ZPR1: variants seen among roughly 807,000 people sequenced by gnomAD.
ZPR1 encodes the protein zinc finger protein ZPR1.
In ZPR1, 37 loss-of-function variants were observed where a neutral mutation model predicts 59.6. The observed-to-expected ratio is 0.62, with a 90% CI of 0.48 to 0.82. The LOEUF (loss-of-function observed/expected upper bound fraction) is 0.82, where lower values mean the gene tolerates loss of function less well. ZPR1 is among the 40% of genes least tolerant of loss of function. The probability of loss-of-function intolerance (pLI) is 0.00; values close to 1 mark genes in which losing one functional copy is unlikely to be tolerated. For missense variants in ZPR1, 527 were observed against 579.9 expected, an observed-to-expected ratio of 0.91 and a Z score of 0.94; for synonymous variants, 191 against 215.2, an observed-to-expected ratio of 0.89 and a Z score of 0.99.
chr11:116,786,830 T>C, intron 3 of ZPR1, 139 bp downstream of exon 3: 1 of 776,912 alleles, frequency 1.3e-6, no homozygotes, highest in Non-Finnish European at 2.2e-6. Context: ...CCACTCATGA[T>C]TAACTAATGA....
chr11:116,781,448 C>T (rs1262389925), intron 12 of ZPR1, among the ~76,000 whole-genome samples: 1 of 152,172 alleles, frequency 6.6e-6, no homozygotes, highest in Non-Finnish European at 1.5e-5. Context: ...TCAGACTTCT[C>T]AATAGCCAAA....
chr11:116,782,021 A>C (rs887535721), intron 12 of ZPR1, 137 bp downstream of exon 12: 1 of 676,492 alleles, frequency 1.5e-6, no homozygotes, highest in Non-Finnish European at 2.4e-6. Context: ...CCAAAAAAAA[A>C]AAAAAGAAAA....
At position 116,782,218 on chromosome 11, in the gene ZPR1, G is replaced by A. The variant is rs776756445; in HGVS notation, c.1119C>T (p.Gly373=). 1.3e-5 allele frequency: 21 copies of A among 1,613,994 alleles called. No homozygotes were observed. The highest frequency in any genetic ancestry group is 5.0e-5 in the Admixed American group (3 of 60,004). ...CCGTCTGTCCAGGATTGGAACTGTC[G>A]CCCAGTGTGAAAGGATTTTTGGTCA... The part of the protein sequence containing the change: ...ELVTKNPFTL[G]DSSNPGQTER... Residue 373 remains glycine, a synonymous_variant, in exon 12 of 14, where the codon GGC becomes GGT. Transcript: ENST00000227322.
At chr11:116,785,722 C>G (rs564293784) in intron 5 of ZPR1, 74 bp downstream of exon 5, 8 of 1,612,262 alleles carry the variant, frequency 5.0e-6, no homozygotes, top group South Asian at 1.1e-5. Flanking sequence ...GCAGGCATCA[C>G]AGTGGAAAAT....
At chr11:116,782,358 A>C in intron 11 of ZPR1, 114 bp from the exon 12 acceptor site, 1 of 838,160 alleles carries the variant, frequency 1.2e-6, no homozygotes, top group Non-Finnish European at 1.9e-6. Flanking sequence ...CTTGGTTTCC[A>C]TTTAGCCCAC....
chr11:116,787,336 C>T lies in ZPR1; in HGVS notation c.333+146G>A. 1.4e-5 allele frequency: 12 copies of T among 843,552 alleles called. No individual in the cohort carries two copies. In the South Asian group the frequency reaches 2.0e-4, roughly 14 times the overall value. 52.3% of individuals were successfully genotyped at this position (843,552 alleles called of 1,614,324 possible). A position where few individuals can be genotyped will look rare whatever the true frequency, so the allele number is the denominator to read the frequency against. The stretch of plus-strand genomic sequence containing the variant: ...AATCTTATCTCACTTGAGCTGATGA[C>T]AACACCAGTACCATTTTACAAAAGA... On this transcript the variant is annotated intron_variant, in intron 2 of 13. Coordinates refer to ENST00000227322, the MANE Select transcript of ZPR1 (RefSeq NM_003904.5).
Position 116,783,632 on chromosome 11 carries a change from C to T in ZPR1, c.892-13G>A, listed in dbSNP as rs1940842378. 3 of 1,611,040 alleles carry T rather than the reference C, an allele frequency of 1.9e-6. No individual in the cohort carries two copies. The highest frequency in any genetic ancestry group is 2.5e-6 in the Non-Finnish European group (3 of 1,177,336). ...CTCCAGATTTCACCTGCATCGATAA[C>T]AGTCAGGAGCAACAGAGAGAAGACC... On this transcript the variant is annotated splice_polypyrimidine_tract_variant and intron_variant, in intron 9 of 13. Coordinates refer to ENST00000227322, the MANE Select transcript of ZPR1 (RefSeq NM_003904.5).
rs370340134 is a variant in ZPR1 at position 116,783,647 on chromosome 11, G to C, written c.892-28C>G. 6 of 1,593,964 alleles carry C rather than the reference G, an allele frequency of 3.8e-6. No homozygotes were observed. The Admixed American group carries it at 1.0e-4, about 27-fold the overall frequency. The stretch of plus-strand genomic sequence containing the variant: ...GCATCGATAACAGTCAGGAGCAACA[G>C]AGAGAAGACCTGAGCCTCACTTGGT... On this transcript the variant is annotated intron_variant, in intron 9 of 13. Transcript: ENST00000227322.
rs771184339 is a variant in ZPR1 at position 116,783,026 on chromosome 11, C to T, written c.985G>A (p.Glu329Lys). 1 of 1,613,630 alleles carries T rather than the reference C, an allele frequency of 6.2e-7. No individual in the cohort carries two copies. Among genetic ancestry groups the T allele is most frequent in the Non-Finnish European group, 8.5e-7 (1 of 1,179,518 alleles). Residue 329 changes from glutamate (E) to lysine (K), a missense_variant, in exon 11 of 14, where the codon GAG (glutamate) becomes AAG (lysine). Glu to Lys is a moderately conservative substitution (Grantham distance 56). Coordinates refer to ENST00000227322, the MANE Select transcript of ZPR1 (RefSeq NM_003904.5). ...SDMTRDLLKS[E>K]TCSVEIPELE... ...TCTGGGATTTCCACACTGCAAGTCT[C>T]AGACTGTGAAATGAGAGGTCAGTTT...
chr11:116,782,267 C>A (rs764001033), intron 11 of ZPR1, 23 bp from the exon 12 acceptor site: 1 of 1,596,872 alleles, frequency 6.3e-7, no homozygotes, highest in East Asian at 2.2e-5. Flanking sequence ...ATAATCCAAA[C>A]TATGTGAATA....
chr11:116,779,030 C>G lies in ZPR1; in HGVS notation c.1275G>C (p.Glu425Asp), dbSNP rs750874473. The change falls in exon 14 of 14, where the codon GAG becomes GAC. Residue 425 changes from glutamate to aspartate, a missense_variant. Transcript: ENST00000227322. ...QNVYAPEDDP[E>D]MKVERYKRTF... ...TGCGCTTGTAACGCTCCACCTTCAT[C>G]TCAGGATCATCTTCAGGCGCATACA... 1.2e-6 allele frequency: 2 copies of G among 1,614,112 alleles called. No homozygotes were observed. Among genetic ancestry groups the G allele is most frequent in the Non-Finnish European group, 1.7e-6 (2 of 1,180,060 alleles).
At chr11:116,785,772 C>T (rs1331854432) in intron 5 of ZPR1, 24 bp downstream of exon 5, 1 of 1,613,348 alleles carries the variant, frequency 6.2e-7, no homozygotes, top group Non-Finnish European at 8.5e-7. Flanking sequence ...TAATCAAGGG[C>T]AACTCCAGCC....
chr11:116,784,793 C>T, intron 8 of ZPR1, 62 bp downstream of exon 8: 1 of 1,544,358 alleles, frequency 6.5e-7, no homozygotes, highest in Non-Finnish European at 9.0e-7. Context: ...TGCTCCCAGC[C>T]TGATTATAAT....
rs1197933279 is a variant in ZPR1, at chr11:116,787,907, AGGGGCAGGCGGCGGGGCC to A, written c.66_83del (p.Ala23_Pro28del). Reference sequence around the variant, plus strand: ...CGCTGATGGGCCGGAACAGGTGATCAGGGGCAGGCGGCGGGGCCGGGGCGGGCGACGGGGCGACGGCAG... The same window carrying A: ...CGCTGATGGGCCGGAACAGGTGATCAGGGGCGGGCGACGGGGCGACGGCAG... On this transcript the variant is annotated inframe_deletion, in exon 1 of 14. Transcript: ENST00000227322. 6.6e-7 allele frequency: 1 copy of A among 1,523,512 alleles called. No homozygotes were observed. The allele number at this position is 1,523,512 out of a possible 1,614,324, so 94.4% of individuals were successfully genotyped here. A position where few individuals can be genotyped will look rare whatever the true frequency, so the allele number is the denominator to read the frequency against.
rs750548868 is a variant in ZPR1 at position 116,787,401 on chromosome 11, C to T, written c.333+81G>A. On this transcript the variant is annotated intron_variant, in intron 2 of 13. Coordinates refer to ENST00000227322, the MANE Select transcript of ZPR1 (RefSeq NM_003904.5). The stretch of plus-strand genomic sequence containing the variant: ...GACATAGGGGGATTTATTTAAGATC[C>T]GACCGCCTGGACCAGAGCTCTGACC... The T allele has an allele frequency of 1.1e-4, 154 of 1,460,332 alleles. 1 individual carries two copies. The highest frequency in any genetic ancestry group is 1.3e-4 in the Non-Finnish European group (140 of 1,073,220). The allele number at this position is 1,460,332 out of a possible 1,614,324, so 90.5% of individuals were successfully genotyped here.
In ZPR1 at chr11:116,776,081, C is replaced by T. The variant is rs1304582649; in HGVS notation, c.*2844G>A. On this transcript the variant is annotated 3_prime_UTR_variant, in exon 14 of 14. Coordinates refer to ENST00000227322, the MANE Select transcript of ZPR1 (RefSeq NM_003904.5). ...CTGCCCTTCATACTTGCTCCCAACA[C>T]TCACCTCCCCTCCTCCACTCATCAT... 1 of 152,272 alleles carries T rather than the reference C, an allele frequency of 6.6e-6. No individual in the cohort carries two copies. The highest frequency in any genetic ancestry group is 6.5e-5 in the Admixed American group (1 of 15,288). 9.4% of individuals were successfully genotyped at this position (152,272 alleles called of 1,614,324 possible). A position where few individuals can be genotyped will look rare whatever the true frequency, so the allele number is the denominator to read the frequency against.
Position 116,775,082 on chromosome 11 carries a change from A to G in ZPR1, c.*3843T>C, listed in dbSNP as rs1940704081. The G allele has an allele frequency of 6.6e-6, 1 of 152,270 alleles. No homozygotes were observed. Among genetic ancestry groups the G allele is most frequent in the South Asian group, 2.1e-4 (1 of 4,830 alleles). 9.4% of individuals were successfully genotyped at this position (152,270 alleles called of 1,614,324 possible). A position where few individuals can be genotyped will look rare whatever the true frequency, so the allele number is the denominator to read the frequency against. On this transcript the variant is annotated 3_prime_UTR_variant, in exon 14 of 14. Coordinates refer to ENST00000227322, the MANE Select transcript of ZPR1 (RefSeq NM_003904.5). ...TGCAGTTGTATCTAATAGAACAAATACAGTAATTGTGGAGCTGAGCTTAAA... is the reference window on the plus strand; with the variant it reads ...TGCAGTTGTATCTAATAGAACAAATGCAGTAATTGTGGAGCTGAGCTTAAA...
intron 6 of ZPR1, 26 bp downstream of exon 6, chr11:116,785,484 GCATT>G: frequency 6.2e-7 from 1 of 1,610,370 alleles, no homozygotes; most frequent in Non-Finnish European, 8.5e-7. Flanking sequence ...TAATTCCAGA[GCATT>G]CTTCTGGATC....
rs897522627 is a variant in ZPR1 at position 116,775,318 on chromosome 11, G to T, written c.*3607C>A. The stretch of plus-strand genomic sequence containing the variant: ...TACTAAAAATACAAAAATTAGCTGG[G>T]TGCAGTGGTGGGCGTCTGTAATCCC... On this transcript the variant is annotated 3_prime_UTR_variant, in exon 14 of 14. Transcript: ENST00000227322. 3.3e-5 allele frequency: 5 copies of T among 152,248 alleles called. No homozygotes were observed. Among genetic ancestry groups the T allele is most frequent in the African/African-American group, 1.2e-4 (5 of 41,348 alleles). The allele number at this position is 152,248 out of a possible 1,614,324, so 9.4% of individuals were successfully genotyped here.
Sources: gnomAD v4.1 joint callset for allele counts (sites outside exome capture counted in the v4.1 genomes callset) on GRCh38, gnomAD v4.1.1 for gene constraint, MANE v1.5 for transcripts, NCBI Gene and HGNC (gene_info 2026-07-23, HGNC 2026-07-21) for gene names.